AGBL1: variants seen among roughly 807,000 people sequenced by gnomAD.
AGBL1 encodes AGBL carboxypeptidase 1.
Under a neutral mutation model 118.9 loss-of-function variants are expected in AGBL1, and 130 were observed. That is an observed-to-expected ratio of 1.09 (90% CI 0.95 to 1.26). The LOEUF (loss-of-function observed/expected upper bound fraction) is 1.26, where lower values mean the gene tolerates loss of function less well. Among genes scored for constraint, AGBL1 ranks in the 50% most tolerant of loss-of-function variants. The pLI is 0.00. For missense variants in AGBL1, 1,584 were observed against 1,298.1 expected (o/e 1.22, Z -3.38); for synonymous variants, 555 against 478.9 (o/e 1.16, Z -2.08).
chr15:86,207,754 G>C (rs1253790180), intron 5 of AGBL1, among the ~76,000 whole-genome samples: 1 of 152,182 alleles, frequency 6.6e-6, no homozygotes, highest in Middle Eastern at 3.2e-3. Context: ...TGTGTCATCT[G>C]CAAACAGGGA....
At chr15:86,509,802 C>A (rs551307870) in intron 18 of AGBL1, among the ~76,000 whole-genome samples, 1 of 152,050 alleles carries the variant, frequency 6.6e-6, no homozygotes, top group South Asian at 2.1e-4. Context: ...GAGAAAGTCA[C>A]CTTGGATAGA....
intron 22 of AGBL1, among the ~76,000 whole-genome samples, chr15:86,877,862 T>C (rs2079833506): frequency 6.6e-6 from 1 of 152,238 alleles, no homozygotes; most frequent in African/African-American, 2.4e-5. Context: ...TTCTTCTCTC[T>C]TCTCACATTC....
intron 21 of AGBL1, among the ~76,000 whole-genome samples, chr15:86,611,826 G>A (rs1213381978): frequency 1.3e-5 from 2 of 152,094 alleles, no homozygotes; most frequent in African/African-American, 4.8e-5. Context: ...CCTCAGAGGC[G>A]GAAGTTTACT....
At chr15:86,659,699 AAGGTTGG>A (rs1384073742) in intron 21 of AGBL1, among the ~76,000 whole-genome samples, 1 of 152,158 alleles carries the variant, frequency 6.6e-6, no homozygotes, top group East Asian at 1.9e-4. Flanking sequence ...ACAGCTAAAC[AAGGTTGG>A]AGGCAGGCAG....
At chr15:86,971,970 G>C (rs1290096649) in intron 23 of AGBL1, among the ~76,000 whole-genome samples, 2 of 151,872 alleles carry the variant, frequency 1.3e-5, no homozygotes, top group African/African-American at 4.8e-5. Context: ...TGTGAAGAAG[G>C]GGCCTGCTTC....
At chr15:86,099,540 A>AT (rs539242604) in intron 1 of AGBL1, among the ~76,000 whole-genome samples, 2,013 of 130,602 alleles carry the variant, frequency 0.015, 19 homozygotes, top group East Asian at 0.036. Context: ...GTGGATGCCT[A>AT]TTTTTTTTTT....
At chr15:86,091,418 C>T (rs1490320485) in intron 1 of AGBL1, among the ~76,000 whole-genome samples, 1 of 152,196 alleles carries the variant, frequency 6.6e-6, no homozygotes, top group Non-Finnish European at 1.5e-5. Flanking sequence ...ACACTAGCAT[C>T]ATGACTCCAA....
intron 18 of AGBL1, among the ~76,000 whole-genome samples, chr15:86,418,363 C>G (rs1461462827): frequency 2.0e-5 from 3 of 152,172 alleles, no homozygotes; most frequent in African/African-American, 7.2e-5. Context: ...AAATTCCTCA[C>G]TGAAGGCCTG....
chr15:86,788,447 G>T (rs936101193), intron 22 of AGBL1, among the ~76,000 whole-genome samples: 3 of 152,094 alleles, frequency 2.0e-5, no homozygotes, highest in African/African-American at 4.8e-5. Flanking sequence ...AGAAAATGTG[G>T]TAAGAGTTTT....
At chr15:86,151,363 G>A (rs979180007) in intron 3 of AGBL1, among the ~76,000 whole-genome samples, 1 of 149,278 alleles carries the variant, frequency 6.7e-6, no homozygotes, top group Non-Finnish European at 1.5e-5. Flanking sequence ...GGGATGCAAG[G>A]CTGGTTCACC....
chr15:86,734,877 A>T (rs1164750825), intron 22 of AGBL1, among the ~76,000 whole-genome samples: 2 of 152,116 alleles, frequency 1.3e-5, no homozygotes, highest in African/African-American at 4.8e-5. Context: ...CTGATGGGGA[A>T]TATGTTGTAG....
chr15:86,784,954 C>T (rs749022978), intron 22 of AGBL1, among the ~76,000 whole-genome samples: 3 of 151,932 alleles, frequency 2.0e-5, no homozygotes, highest in Admixed American at 6.6e-5. Context: ...CTCGTAAGTT[C>T]GTATTTTCTC....
chr15:86,941,421 C>G (rs2080750081), intron 23 of AGBL1, among the ~76,000 whole-genome samples: 1 of 152,114 alleles, frequency 6.6e-6, no homozygotes, highest in African/African-American at 2.4e-5. Flanking sequence ...GTCGAGAACT[C>G]TAAAGAACAT....
rs1053481155 is a variant in AGBL1 at position 86,617,758 on chromosome 15, G to GCACA, written c.2995-56514_2995-56513insACAC. The stretch of plus-strand genomic sequence containing the variant: ...GCAATTCTGTGTGATTCAACTTTAT[G>GCACA]CGCACACACACACACACACACACAC... On this transcript the variant is annotated intron_variant, in intron 21 of 22. Coordinates refer to ENST00000614907, the MANE Select transcript of AGBL1 (RefSeq NM_001386094.1). 8.6e-3 allele frequency among the ~76,000 whole-genome samples: 710 copies of GCACA among 82,348 alleles called. 5 individuals carry two copies. The highest frequency in any genetic ancestry group is 0.056 in the South Asian group (122 of 2,176). 54.0% of individuals were successfully genotyped at this position (82,348 alleles called of 152,430 possible). A position where few individuals can be genotyped will look rare whatever the true frequency, so the allele number is the denominator to read the frequency against.
At chr15:86,196,868 T>TGCGC (rs149539990) in intron 5 of AGBL1, among the ~76,000 whole-genome samples, 6,001 of 94,682 alleles carry the variant, frequency 0.063, 189 homozygotes, top group African/African-American at 0.088. Context: ...TGTGCACATG[T>TGCGC]GCGCGCGCGC....
At chr15:86,172,039 G>C (rs962096376) in intron 5 of AGBL1, among the ~76,000 whole-genome samples, 2 of 152,198 alleles carry the variant, frequency 1.3e-5, no homozygotes, top group Non-Finnish European at 2.9e-5. Context: ...GAGACTTGGG[G>C]AAAGGGTGGG....
intron 22 of AGBL1, among the ~76,000 whole-genome samples, chr15:86,739,171 C>A (rs1203349998): frequency 1.3e-5 from 2 of 151,646 alleles, no homozygotes; most frequent in Non-Finnish European, 2.9e-5. Context: ...AGGCTAGGTG[C>A]GGTGGCTCAT....
intron 5 of AGBL1, among the ~76,000 whole-genome samples, chr15:86,198,617 A>C (rs2077853686): frequency 6.6e-6 from 1 of 152,128 alleles, no homozygotes; most frequent in Admixed American, 6.6e-5. Context: ...TAAGGGTGAG[A>C]TCTTAATCCT....
chr15:86,546,008 T>G lies in AGBL1; in HGVS notation c.2692T>G (p.Cys898Gly). 1 of 1,612,766 alleles carries G rather than the reference T, an allele frequency of 6.2e-7. No homozygotes were observed. The highest frequency in any genetic ancestry group is 8.5e-7 in the Non-Finnish European group (1 of 1,179,132). ...CTTTGTTGGGCTATTGTAGGTTTTC[T>G]GTGACTTCCATGGCCACTCCCAAAA... ...SSIGRSPVVFCDFHGHSQKKN... is the reference protein window; with the variant it reads ...SSIGRSPVVFGDFHGHSQKKN... Residue 898 changes from cysteine to glycine, a missense_variant, in exon 20 of 23, where the codon TGT (cysteine) becomes GGT (glycine). By Grantham distance (159) the Cys-to-Gly change is radical. Coordinates refer to ENST00000614907, the MANE Select transcript of AGBL1 (RefSeq NM_001386094.1).
Sources: allele counts gnomAD v4.1 joint callset (sites outside exome capture counted in the v4.1 genomes callset), GRCh38; gene constraint gnomAD v4.1.1; transcripts MANE v1.5; gene names NCBI Gene and HGNC (gene_info 2026-07-23, HGNC 2026-07-21).